Variants in GABRA2 observed in about 807,000 individuals in gnomAD.
GABRA2 encodes the protein gamma-aminobutyric acid receptor subunit alpha-2.
A neutral mutation model predicts 48.7 loss-of-function variants in GABRA2; 16 were observed. The ratio of observed to expected loss-of-function variants is 0.33; its 90% confidence interval spans 0.22 to 0.50. GABRA2 has a LOEUF of 0.50. Ranked by LOEUF, GABRA2 falls within the 20% of genes least tolerant of loss-of-function variation. The pLI is 0.98. For synonymous variants in GABRA2, 185 were observed against 184.5 expected, an observed-to-expected ratio of 1.00 and a Z score of -0.02; for missense variants, 275 against 535.6, an observed-to-expected ratio of 0.51 and a Z score of 4.80.
chr4:46,310,912 CA>C (rs1159550358), intron 5 of GABRA2, among the ~76,000 whole-genome samples: 1 of 152,030 alleles, frequency 6.6e-6, no homozygotes, highest in African/African-American at 2.4e-5. Context: ...TGATATAATG[CA>C]AACTTCCAAT....
At chr4:46,372,409 G>T (rs1253234065) in intron 3 of GABRA2, among the ~76,000 whole-genome samples, 1 of 152,066 alleles carries the variant, frequency 6.6e-6, no homozygotes, top group Non-Finnish European at 1.5e-5. Flanking sequence ...ACCATAGATA[G>T]GATAGTTGGA....
intron 3 of GABRA2, 81 bp from the exon 4 acceptor site, chr4:46,332,763 G>GT (rs765011390): frequency 2.6e-5 from 21 of 802,898 alleles, no homozygotes; most frequent in Non-Finnish European, 3.8e-5. Context: ...ACACGGTATG[G>GT]TTTGAAAGCT....
At chr4:46,286,595 C>A (rs952871973) in intron 8 of GABRA2, among the ~76,000 whole-genome samples, 1 of 152,060 alleles carries the variant, frequency 6.6e-6, no homozygotes, top group East Asian at 1.9e-4. Context: ...TTTTCTACAA[C>A]CTTGACAATG....
At chr4:46,252,137 T>C (rs1248960176) in intron 9 of GABRA2, among the ~76,000 whole-genome samples, 1 of 151,350 alleles carries the variant, frequency 6.6e-6, no homozygotes, top group Admixed American at 6.6e-5. Flanking sequence ...GCCCAGGAGA[T>C]TCTAAAAACA....
chr4:46,315,139 GT>G (rs35565335), intron 4 of GABRA2, among the ~76,000 whole-genome samples: 1,943 of 140,722 alleles, frequency 0.014, 24 homozygotes, highest in African/African-American at 0.038. Context: ...GTCTGCATCT[GT>G]TTTTTTTTTT....
chr4:46,299,043 T>C (rs892626455), intron 8 of GABRA2, among the ~76,000 whole-genome samples: 1 of 151,328 alleles, frequency 6.6e-6, no homozygotes, highest in Non-Finnish European at 1.5e-5. Context: ...TTATATTCTA[T>C]ATAATTCAAT....
chr4:46,318,396 G>C (rs937205354), intron 4 of GABRA2, among the ~76,000 whole-genome samples: 3 of 151,076 alleles, frequency 2.0e-5, no homozygotes, highest in African/African-American at 7.3e-5. Flanking sequence ...TTGTTTTCTA[G>C]ACTAAAAAGA....
At chr4:46,329,457 T>C (rs895549290) in intron 4 of GABRA2, among the ~76,000 whole-genome samples, 10 of 152,090 alleles carry the variant, frequency 6.6e-5, no homozygotes, top group Non-Finnish European at 1.5e-5. Context: ...AGCTTCAGCA[T>C]ATACCCTCAC....
intron 4 of GABRA2, 41 bp downstream of exon 4, chr4:46,332,574 C>T: frequency 9.0e-7 from 1 of 1,109,896 alleles, no homozygotes; most frequent in Non-Finnish European, 1.4e-6. Flanking sequence ...CCCCCACTCC[C>T]CATTATGTGA....
intron 9 of GABRA2, 101 bp downstream of exon 9, chr4:46,261,825 A>G: frequency 1.0e-6 from 1 of 953,756 alleles, no homozygotes; most frequent in Non-Finnish European, 1.7e-6. Context: ...ATTCATATAT[A>G]TATGGATGTC....
chr4:46,332,565 C>T (rs1352928764), intron 4 of GABRA2, 50 bp downstream of exon 4: 2 of 1,010,668 alleles, frequency 2.0e-6, no homozygotes, highest in Non-Finnish European at 3.1e-6. Context: ...TGAAATTACC[C>T]CCCACTCCCC....
At chr4:46,264,152 A>G (rs1258755291) in intron 8 of GABRA2, among the ~76,000 whole-genome samples, 3 of 89,280 alleles carry the variant, frequency 3.4e-5, no homozygotes, top group East Asian at 2.9e-4. Context: ...CAAAAACACA[A>G]CTGATTTTTT....
chr4:46,290,751 T>C lies in GABRA2; in HGVS notation c.856+12709A>G, dbSNP rs139872573. Reference sequence around the variant, plus strand: ...TAATGAAAAACATAAAGGAAATTAATGGGAGAGAAGTGACCTTTCAGAAAT... The same window carrying C: ...TAATGAAAAACATAAAGGAAATTAACGGGAGAGAAGTGACCTTTCAGAAAT... On this transcript the variant is annotated intron_variant, in intron 8 of 9. Transcript: ENST00000381620. Among the ~76,000 whole-genome samples, 8 of 152,276 alleles carry C rather than the reference T, an allele frequency of 5.3e-5. No individual in the cohort carries two copies. The East Asian group carries it at 1.5e-3, about 29-fold the overall frequency.
At chr4:46,293,875 G>C (rs1465037671) in intron 8 of GABRA2, among the ~76,000 whole-genome samples, 1 of 152,230 alleles carries the variant, frequency 6.6e-6, no homozygotes, top group Non-Finnish European at 1.5e-5. Flanking sequence ...GCAGAAGACA[G>C]ATGGATCTTG....
intron 8 of GABRA2, among the ~76,000 whole-genome samples, chr4:46,297,731 A>G (rs2109585808): frequency 6.6e-6 from 1 of 151,558 alleles, no homozygotes; most frequent in South Asian, 2.1e-4. Flanking sequence ...ATTTTCTTTT[A>G]TTCTACATTT....
chr4:46,356,980 TG>T (rs993667269), intron 3 of GABRA2, among the ~76,000 whole-genome samples: 2 of 151,196 alleles, frequency 1.3e-5, no homozygotes, highest in East Asian at 1.9e-4. Flanking sequence ...TTTCTGGGTT[TG>T]TTTTTTTTTT....
chr4:46,384,578 C>T (rs1717195044), intron 3 of GABRA2, among the ~76,000 whole-genome samples: 1 of 152,078 alleles, frequency 6.6e-6, no homozygotes, highest in South Asian at 2.1e-4. Flanking sequence ...TACAGGCTAA[C>T]TTGGATATTT....
At chr4:46,276,801 A>AT (rs1038990497) in intron 8 of GABRA2, among the ~76,000 whole-genome samples, 9 of 150,772 alleles carry the variant, frequency 6.0e-5, no homozygotes, top group East Asian at 3.9e-4. Flanking sequence ...CTAACTGGGG[A>AT]TTTTTTTTTC....
intron 3 of GABRA2, among the ~76,000 whole-genome samples, chr4:46,360,456 G>A (rs1712992474): frequency 6.6e-6 from 1 of 152,218 alleles, no homozygotes; most frequent in African/African-American, 2.4e-5. Flanking sequence ...TGCCATCCAT[G>A]TAAGATGTGA....
Sources: allele counts gnomAD v4.1 joint callset (sites outside exome capture counted in the v4.1 genomes callset), GRCh38; gene constraint gnomAD v4.1.1; transcripts MANE v1.5; gene names NCBI Gene and HGNC (gene_info 2026-07-23, HGNC 2026-07-21).